The following KIAA1671 variants were observed in gnomAD, a reference collection of about 807,000 sequenced individuals.
The protein encoded by KIAA1671 is KIAA1671, also known as uncharacterized protein KIAA1671.
In KIAA1671, 52 loss-of-function variants were observed where a neutral mutation model predicts 131.2. The observed-to-expected ratio is 0.40, with a 90% CI of 0.32 to 0.50. KIAA1671 has a LOEUF of 0.50. Ranked by LOEUF, KIAA1671 falls within the 20% of genes least tolerant of loss-of-function variation. The pLI is 0.73. For missense variants in KIAA1671, 2,360 were observed against 2,364.2 expected (o/e 1.00, Z 0.04); for synonymous variants, 1,003 against 961.6 (o/e 1.04, Z -0.80).
In KIAA1671 at chr22:25,075,773, C is replaced by T. The variant is rs558422290; in HGVS notation, c.4530+26409C>T. ...TGAGCACTGCACCCAGTCATCAGTG[C>T]GCATCTTTTTTTTTTTTTTTGAGAC... On this transcript the variant is annotated intron_variant, in intron 6 of 12. Transcript: ENST00000358431. Among the ~76,000 whole-genome samples, 256 of 133,860 alleles carry T rather than the reference C, an allele frequency of 1.9e-3. 1 individual carries two copies. Among genetic ancestry groups the T allele is most frequent in the African/African-American group, 7.0e-3 (228 of 32,804 alleles). 87.8% of individuals were successfully genotyped at this position (133,860 alleles called of 152,430 possible).
rs568493425 is a variant in KIAA1671 at position 24,956,091 on chromosome 22, C to T, written c.-208+3319C>T. On this transcript the variant is annotated intron_variant, in intron 1 of 12. Coordinates refer to ENST00000358431, the MANE Select transcript of KIAA1671 (RefSeq NM_001145206.2). ...GTGAGAGACCGCGGTGCGCGGTGGA[C>T]TGGACGTAGAGACCAATGGTGTTGG... is the stretch of plus-strand genomic sequence containing the variant. 2.6e-4 allele frequency among the ~76,000 whole-genome samples: 39 copies of T among 151,774 alleles called. 2 individuals carry two copies. The highest frequency in any genetic ancestry group is 9.2e-4 in the African/African-American group (38 of 41,380).
intron 6 of KIAA1671, among the ~76,000 whole-genome samples, chr22:25,115,752 C>T (rs945893734): frequency 5.3e-5 from 8 of 152,108 alleles, no homozygotes; most frequent in African/African-American, 1.9e-4. Flanking sequence ...TTAATTCACT[C>T]ATATTTTCAT....
chr22:25,169,190 G>A (rs1568989836), intron 6 of KIAA1671, among the ~76,000 whole-genome samples: 1 of 152,062 alleles, frequency 6.6e-6, no homozygotes, highest in Non-Finnish European at 1.5e-5. Context: ...GCTGAGGCAG[G>A]AGGATTTCTT....
Position 25,041,573 on chromosome 22 carries a change from C to G in KIAA1671, c.4395+48C>G, listed in dbSNP as rs1056275130. ...ATTTTGTCAAACATGGTTTAAACAT[C>G]TAGTCTAGGGGGCCGAAACTCAGAT... On this transcript the variant is annotated intron_variant, in intron 5 of 12. Transcript: ENST00000358431. 1.4e-6 allele frequency: 2 copies of G among 1,473,802 alleles called. 1 individual carries two copies. Among genetic ancestry groups the G allele is most frequent in the Middle Eastern group, 3.6e-4 (2 of 5,600 alleles). The allele number at this position is 1,473,802 out of a possible 1,614,324, so 91.3% of individuals were successfully genotyped here.
At chr22:25,038,566 A>C (rs1926738513) in intron 4 of KIAA1671, among the ~76,000 whole-genome samples, 194 bp from the exon 5 acceptor site, 1 of 152,174 alleles carries the variant, frequency 6.6e-6, no homozygotes, top group Non-Finnish European at 1.5e-5. Flanking sequence ...GGGTTCATTT[A>C]TGTTCTCTCC....
At chr22:25,125,025 C>T (rs1230247319) in intron 6 of KIAA1671, among the ~76,000 whole-genome samples, 1 of 152,206 alleles carries the variant, frequency 6.6e-6, no homozygotes, top group East Asian at 1.9e-4. Context: ...TCCCAAAGTG[C>T]TGGGATTACA....
chr22:25,032,241 G>T (rs1392002175), intron 3 of KIAA1671, among the ~76,000 whole-genome samples: 1 of 152,320 alleles, frequency 6.6e-6, no homozygotes, highest in East Asian at 1.9e-4. Flanking sequence ...ACGCCCTCAC[G>T]TAGCTATTAG....
intron 6 of KIAA1671, among the ~76,000 whole-genome samples, chr22:25,103,909 A>G (rs1930847779): frequency 6.6e-6 from 1 of 152,232 alleles, no homozygotes; most frequent in African/African-American, 2.4e-5. Context: ...ATGTGCAAGT[A>G]AACGTTTCCT....
intron 6 of KIAA1671, among the ~76,000 whole-genome samples, chr22:25,159,529 T>C (rs1933365595): frequency 6.6e-6 from 1 of 152,110 alleles, no homozygotes. Context: ...TGTCATGATG[T>C]TTGTTAAAAC....
chr22:24,995,211 T>C (rs1010087329), intron 1 of KIAA1671, among the ~76,000 whole-genome samples: 1 of 151,642 alleles, frequency 6.6e-6, no homozygotes, highest in Non-Finnish European at 1.5e-5. Context: ...CCACCATGCC[T>C]GGCTAATTTT....
chr22:25,034,435 CT>C (rs1198631584), intron 4 of KIAA1671, among the ~76,000 whole-genome samples: 1 of 151,542 alleles, frequency 6.6e-6, no homozygotes, highest in Non-Finnish European at 1.5e-5. Context: ...ATTTTCTAGA[CT>C]TTAGTATAAA....
chr22:25,072,296 G>T (rs988043568), intron 6 of KIAA1671, among the ~76,000 whole-genome samples: 5 of 152,172 alleles, frequency 3.3e-5, no homozygotes, highest in African/African-American at 9.7e-5. Flanking sequence ...CCTCTCTAGT[G>T]ACCTTGGGCA....
In KIAA1671 at chr22:25,040,701, A is replaced by C; in HGVS notation, c.3571A>C (p.Arg1191=). Reference sequence around the variant, plus strand: ...CAGTGACACGTTCCCAGGTAAAATCAGAGATGGCTACAGATCCAGCGTTCT... The same window carrying C: ...CAGTGACACGTTCCCAGGTAAAATCCGAGATGGCTACAGATCCAGCGTTCT... ...VISDTFPGKI[R]DGYRSSVLDI... is the part of the protein sequence containing the mutation. Residue 1191 remains arginine (R), a synonymous_variant, in exon 5 of 13, where the codon AGA becomes CGA. Transcript: ENST00000358431. 1.3e-6 allele frequency: 2 copies of C among 1,552,184 alleles called. No homozygotes were observed. The highest frequency in any genetic ancestry group is 2.4e-5 in the South Asian group (2 of 84,068).
Position 25,177,414 on chromosome 22 carries a change from C to T in KIAA1671, c.4966C>T (p.Arg1656Trp), listed in dbSNP as rs1934071945. The T allele has an allele frequency of 5.2e-6, 8 of 1,551,782 alleles. No individual in the cohort carries two copies. Among genetic ancestry groups the T allele is most frequent in the Non-Finnish European group, 7.0e-6 (8 of 1,147,012 alleles). ...GCAGCTCAGCAAGAGAAGCCGCCGC[C>T]GGGCCCCCATCTCCCACTCCCTCCG... ...RVQLSKRSRR[R>W]APISHSLRRS... is the part of the protein sequence containing the mutation. Residue 1656 changes from arginine (R) to tryptophan (W), a missense_variant, in exon 9 of 13, where the codon CGG (arginine) becomes TGG (tryptophan). Physicochemically the swap from Arg to Trp is moderately radical, Grantham distance 101. This residue lies in a region of KIAA1671 where 1,161 missense variants were observed against 1,204.7 expected (regional missense o/e 0.96). Coordinates refer to ENST00000358431, the MANE Select transcript of KIAA1671 (RefSeq NM_001145206.2).
chr22:25,126,461 C>A (rs1022413783), intron 6 of KIAA1671, among the ~76,000 whole-genome samples: 4 of 152,146 alleles, frequency 2.6e-5, no homozygotes, highest in Admixed American at 6.5e-5. Context: ...ATTTGAAGAG[C>A]GTACAAAGGT....
intron 1 of KIAA1671, chr22:25,024,656 G>C (rs1474090679): frequency 1.3e-5 from 2 of 152,178 alleles, no homozygotes; most frequent in Non-Finnish European, 2.9e-5. Context: ...CTTAGAGAGT[G>C]GGCAGCAGGG....
intron 1 of KIAA1671, among the ~76,000 whole-genome samples, chr22:25,025,081 G>A (rs1024719885): frequency 1.2e-4 from 7 of 58,550 alleles, no homozygotes; most frequent in Non-Finnish European, 2.4e-4. Context: ...TCCAAATACC[G>A]CTAATGTAGC....
chr22:25,115,195 G>A (rs1601328325), intron 6 of KIAA1671, among the ~76,000 whole-genome samples: 1 of 152,222 alleles, frequency 6.6e-6, no homozygotes, highest in African/African-American at 2.4e-5. Context: ...TGAGAAACAC[G>A]CCTGGTACTC....
intron 1 of KIAA1671, among the ~76,000 whole-genome samples, chr22:24,953,987 G>T (rs1921558186): frequency 6.6e-6 from 1 of 152,140 alleles, no homozygotes; most frequent in African/African-American, 2.4e-5. Context: ...GGATGGATCG[G>T]AATGAAGGGT....
Sources: gnomAD v4.1 joint callset for allele counts (sites outside exome capture counted in the v4.1 genomes callset) on GRCh38, gnomAD v4.1.1 for gene constraint, gnomAD v4.1.1 regional missense constraint, MANE v1.5 for transcripts, NCBI Gene and HGNC (gene_info 2026-07-23, HGNC 2026-07-21) for gene names.